LZTS2: variants seen among roughly 807,000 people sequenced by gnomAD.
LZTS2 encodes the protein leucine zipper putative tumor suppressor 2.
LZTS2 carries 32 observed loss-of-function variants against 60.6 expected under a neutral mutation model. The observed-to-expected ratio is 0.53, with a 90% CI of 0.40 to 0.71. LZTS2 has a LOEUF of 0.71. Ranked by LOEUF, LZTS2 falls within the 30% of genes least tolerant of loss-of-function variation. LZTS2 has a pLI of 0.00. For missense variants in LZTS2, 792 were observed against 901.9 expected (o/e 0.88, Z 1.56); for synonymous variants, 360 against 393.1 (o/e 0.92, Z 1.00).
exon 1 of LZTS2, chr10:101,001,954 C>CA (rs1852048720): frequency 6.6e-6 from 1 of 152,264 alleles, no homozygotes; most frequent in African/African-American, 2.4e-5. Context: ...GCCAGATCGA[C>CA]AGAGAGGCAG....
exon 1 of LZTS2, chr10:101,002,581 C>T: frequency 6.5e-7 from 1 of 1,544,676 alleles, no homozygotes; most frequent in South Asian, 1.2e-5. Flanking sequence ...GGAGCCTGCT[C>T]CTGAAGCTGC....
At chr10:101,005,986 C>A (rs931538643) in intron 3 of LZTS2, among the ~76,000 whole-genome samples, 1 of 152,202 alleles carries the variant, frequency 6.6e-6, no homozygotes, top group Non-Finnish European at 1.5e-5. Context: ...TGGAACAGAT[C>A]ATTTCATCCT....
chr10:101,003,958 G>A (rs1564817158), exon 2 of LZTS2: 1 of 1,611,936 alleles, frequency 6.2e-7, no homozygotes, highest in Non-Finnish European at 8.5e-7. Context: ...TCCCTAGGGG[G>A]CCGTGTGGCT....
intron 2 of LZTS2, 94 bp from the exon 4 acceptor site, chr10:101,005,364 C>A: frequency 1.4e-6 from 2 of 1,395,316 alleles, no homozygotes; most frequent in Non-Finnish European, 1.9e-6. Flanking sequence ...GGAATCCACC[C>A]TTCCTGAGCC....
intron 2 of LZTS2, among the ~76,000 whole-genome samples, chr10:101,004,810 C>G (rs1852134873): frequency 6.6e-6 from 1 of 152,098 alleles, no homozygotes. Context: ...TAGACTAATG[C>G]CTGGTACCTA....
rs752480337 is a variant in LZTS2, at chr10:101,002,963, C to T, written c.408+17C>T. On this transcript the variant is annotated intron_variant, in intron 1 of 3. Transcript: ENST00000370220. Reference sequence around the variant, plus strand: ...CTGGAGAAGGTGAGGACCGGCTCTTCCTTGTGGGCCTGGGTAGAACGGGAG... The same window carrying T: ...CTGGAGAAGGTGAGGACCGGCTCTTTCTTGTGGGCCTGGGTAGAACGGGAG... 14 of 1,596,900 alleles carry T rather than the reference C, an allele frequency of 8.8e-6. No homozygotes were observed. The highest frequency in any genetic ancestry group is 2.2e-5 in the East Asian group (1 of 44,696).
chr10:100,996,841 T>G (rs1851926410), upstream of LZTS2, among the ~76,000 whole-genome samples: 1 of 152,160 alleles, frequency 6.6e-6, no homozygotes, highest in Admixed American at 6.5e-5. Flanking sequence ...TTAAGCTTAG[T>G]TTAAGGCAGC....
rs1564817999 is a variant in LZTS2 at position 101,005,608 on chromosome 10, G to A, written c.1219G>A (p.Asp407Asn). The change falls in exon 3 of 4, where the codon GAC (aspartate) becomes AAC (asparagine). Residue 407 changes from aspartate (D) to asparagine (N), a missense_variant. Coordinates refer to ENST00000370220, the Ensembl canonical transcript of LZTS2. ...GCAGGAGAAGCGGCAATTGCAGGAC[G>A]ACTTCGCACAGCTGCTGCAGGAGCG... 10 of 1,611,348 alleles carry A rather than the reference G, an allele frequency of 6.2e-6. No individual in the cohort carries two copies. Among genetic ancestry groups the A allele is most frequent in the South Asian group, 1.1e-5 (1 of 91,064 alleles).
At chr10:100,997,633 C>T (rs1224898414), upstream of LZTS2, among the ~76,000 whole-genome samples, 1 of 152,158 alleles carries the variant, frequency 6.6e-6, no homozygotes, top group Non-Finnish European at 1.5e-5. Flanking sequence ...GGGACGCACC[C>T]GGAGGTTCCT....
rs116439695 is a variant in LZTS2, at chr10:101,004,004, T to C, written c.906T>C (p.Pro302=). ...TGGGCAGTGGTACTCGGGCCTCCCC[T>C]GACAGCAGCTCCTGTGGGGAGCGCT... Residue 302 remains proline (P), a synonymous_variant, in exon 2 of 4, where the codon CCT becomes CCC. Coordinates refer to ENST00000370220, the Ensembl canonical transcript of LZTS2. 5.0e-3 allele frequency: 7,985 copies of C among 1,613,012 alleles called. 201 individuals carry two copies. In the African/African-American group the frequency reaches 0.063, roughly 13 times the overall value.
exon 3 of LZTS2, chr10:101,005,680 G>A: frequency 1.2e-6 from 2 of 1,602,918 alleles, no homozygotes; most frequent in Non-Finnish European, 1.7e-6. Context: ...GGAGCAGCGG[G>A]AGCTCGGGCC....
chr10:101,006,612 T>C lies in LZTS2; in HGVS notation c.1454T>C (p.Leu485Pro), dbSNP rs769495017. 1.8e-5 allele frequency: 29 copies of C among 1,602,138 alleles called. No homozygotes were observed. The South Asian group carries it at 3.0e-4, about 17-fold the overall frequency. The change falls in exon 4 of 4, where the codon CTG becomes CCG. Residue 485 changes from leucine (L) to proline (P), a missense_variant. By Grantham distance (98) the Leu-to-Pro change is moderately conservative (BLOSUM62 -3). Coordinates refer to ENST00000370220, the Ensembl canonical transcript of LZTS2. ...GCGCTGCGGGAGGCCCGTGCTACGCTGCGGGTCAGTGAGGGCCGTGCGCGG... is the reference window on the plus strand; with the variant it reads ...GCGCTGCGGGAGGCCCGTGCTACGCCGCGGGTCAGTGAGGGCCGTGCGCGG...
chr10:101,007,696 G>A, exon 4 of LZTS2: 1 of 1,029,106 alleles, frequency 9.7e-7, no homozygotes. Context: ...GAAATGTCTT[G>A]TTTATTTGTG....
chr10:101,003,822 T>G, exon 2 of LZTS2: 1 of 1,613,328 alleles, frequency 6.2e-7, no homozygotes, highest in East Asian at 2.2e-5. Flanking sequence ...AACCACCAGC[T>G]CCCCAGGCGG....
chr10:101,007,167 A>G, exon 4 of LZTS2: 1 of 1,565,528 alleles, frequency 6.4e-7, no homozygotes, highest in Middle Eastern at 1.7e-4. Context: ...ACTGAGATCT[A>G]GGGCCCTCAG....
At chr10:101,007,602 G>C in exon 4 of LZTS2, 1 of 1,274,790 alleles carries the variant, frequency 7.8e-7, no homozygotes, top group Non-Finnish European at 1.0e-6. Flanking sequence ...GACAGGGCCG[G>C]GCCTGGGCTC....
chr10:100,998,906 A>T (rs1851967965), upstream of LZTS2: 2 of 152,568 alleles, frequency 1.3e-5, no homozygotes, highest in Non-Finnish European at 2.9e-5. Flanking sequence ...ACGCGGACCC[A>T]CGTGACGGCT....
exon 4 of LZTS2, chr10:101,007,070 C>G (rs755098997): frequency 6.2e-7 from 1 of 1,607,448 alleles, no homozygotes. Flanking sequence ...GCTGCAGCAG[C>G]TCAGCCTGGA....
In LZTS2 at chr10:101,005,526, G is replaced by A. The variant is rs1450022914; in HGVS notation, c.1137G>A (p.Gln379=). The change falls in exon 3 of 4, where the codon CAG becomes CAA. Residue 379 remains glutamine, a synonymous_variant. Transcript: ENST00000370220. ...CCCTGCGAGAGGACTGTGCGGCCCAGGCACAGCGGGCACAGCGGGCCCAAC... is the reference window on the plus strand; with the variant it reads ...CCCTGCGAGAGGACTGTGCGGCCCAAGCACAGCGGGCACAGCGGGCCCAAC... 3.1e-6 allele frequency: 5 copies of A among 1,605,176 alleles called. No homozygotes were observed. In the African/African-American group the frequency reaches 6.7e-5, roughly 21 times the overall value.
Sources: gnomAD v4.1 joint callset for allele counts (sites outside exome capture counted in the v4.1 genomes callset) on GRCh38, gnomAD v4.1.1 for gene constraint, MANE v1.5 for transcripts, NCBI Gene and HGNC (gene_info 2026-07-23, HGNC 2026-07-21) for gene names.